Variants in CNBD1 observed in about 807,000 individuals in gnomAD.
CNBD1 encodes the protein cyclic nucleotide binding domain containing 1.
Under a neutral mutation model 54.4 loss-of-function variants are expected in CNBD1, and 71 were observed. The ratio of observed to expected loss-of-function variants is 1.30; its 90% CI spans 1.08 to 1.59. The LOEUF (loss-of-function observed/expected upper bound fraction) is 1.59, where lower values mean the gene tolerates loss of function less well. Among genes scored for constraint, CNBD1 ranks in the 40% most tolerant of loss-of-function variants. The probability of loss-of-function intolerance (pLI) is 0.00; values close to 1 mark genes in which losing one functional copy is unlikely to be tolerated. For missense variants in CNBD1, 659 were observed against 518.0 expected (o/e 1.27, Z -2.64); for synonymous variants, 182 against 170.7 (o/e 1.07, Z -0.51).
intron 2 of CNBD1, among the ~76,000 whole-genome samples, chr8:87,392,174 A>G (rs977999489): frequency 6.6e-6 from 1 of 152,028 alleles, no homozygotes; most frequent in Non-Finnish European, 1.5e-5. Context: ...CAAAGATGTG[A>G]AAAAATTCGT....
downstream of CNBD1, among the ~76,000 whole-genome samples, chr8:87,384,798 G>C (rs1423160926): frequency 1.3e-5 from 2 of 152,116 alleles, no homozygotes; most frequent in African/African-American, 4.8e-5. Flanking sequence ...AATATAGGTA[G>C]AGTGAAAAAA....
chr8:87,288,978 C>A (rs1351417879), intron 8 of CNBD1, among the ~76,000 whole-genome samples: 1 of 151,984 alleles, frequency 6.6e-6, no homozygotes, highest in African/African-American at 2.4e-5. Flanking sequence ...ATGGTAGTGA[C>A]AAACTTGATA....
intron 4 of CNBD1, among the ~76,000 whole-genome samples, chr8:87,017,498 C>T (rs2130570850): frequency 6.6e-6 from 1 of 152,154 alleles, no homozygotes; most frequent in African/African-American, 2.4e-5. Context: ...TAAAGCTATC[C>T]CTATATTAAT....
chr8:87,425,830 G>T (rs1808037116), intron 2 of CNBD1, among the ~76,000 whole-genome samples: 3 of 152,124 alleles, frequency 2.0e-5, no homozygotes, highest in East Asian at 1.9e-4. Flanking sequence ...GCCTCCTTGA[G>T]CTGTGGTGGG....
intron 2 of CNBD1, among the ~76,000 whole-genome samples, chr8:87,420,628 C>T (rs1341767393): frequency 6.6e-6 from 1 of 152,080 alleles, no homozygotes; most frequent in Admixed American, 6.6e-5. Flanking sequence ...AATCTACCTA[C>T]TTAACGACCA....
chr8:87,404,346 C>T (rs551953687), intron 2 of CNBD1, among the ~76,000 whole-genome samples: 1 of 152,134 alleles, frequency 6.6e-6, no homozygotes, highest in South Asian at 2.1e-4. Context: ...CATGTTACCT[C>T]AGTTGGTGCT....
intron 6 of CNBD1, among the ~76,000 whole-genome samples, chr8:87,284,081 C>T (rs1563537502): frequency 6.6e-6 from 1 of 152,090 alleles, no homozygotes; most frequent in African/African-American, 2.4e-5. Context: ...TAAAAATACG[C>T]TCCTTATCCT....
At chr8:87,042,572 A>G (rs921194246) in intron 4 of CNBD1, among the ~76,000 whole-genome samples, 5 of 152,192 alleles carry the variant, frequency 3.3e-5, no homozygotes, top group African/African-American at 1.2e-4. Flanking sequence ...ACCAGAATAG[A>G]TTAAAGAGCG....
chr8:87,081,020 A>G (rs1810979680), intron 4 of CNBD1, among the ~76,000 whole-genome samples: 1 of 150,668 alleles, frequency 6.6e-6, no homozygotes, highest in Admixed American at 6.6e-5. Flanking sequence ...TTTCAATTAC[A>G]TTTATTTTCT....
chr8:87,148,910 A>G (rs1301535654), intron 4 of CNBD1, among the ~76,000 whole-genome samples: 1 of 152,196 alleles, frequency 6.6e-6, no homozygotes, highest in Non-Finnish European at 1.5e-5. Flanking sequence ...CAAACAAACA[A>G]ACAAACAAAA....
At position 87,421,636 on chromosome 8, in the gene CNBD1, G is replaced by A. The variant is rs922468864; in HGVS notation, c.214-6910G>A. Among the ~76,000 whole-genome samples the A allele has an allele frequency of 5.6e-3, 852 of 151,786 alleles. 5 individuals carry two copies. Among genetic ancestry groups the A allele is most frequent in the Non-Finnish European group, 8.6e-3 (586 of 67,922 alleles). ...TTTTTATGGCTGCATAGTATTCCAC[G>A]GTGTATATGTGCCACATTTTCTTAA... On this transcript the variant is annotated intron_variant, in intron 2 of 7. Coordinates refer to the CNBD1 transcript ENST00000521593.
chr8:86,963,059 G>T (rs1368559080), intron 4 of CNBD1, among the ~76,000 whole-genome samples: 1 of 152,126 alleles, frequency 6.6e-6, no homozygotes, highest in African/African-American at 2.4e-5. Flanking sequence ...GCTTCCCTTT[G>T]TTCCTCTCTC....
intron 2 of CNBD1, among the ~76,000 whole-genome samples, chr8:87,417,537 G>T (rs1160416893): frequency 6.6e-6 from 1 of 151,974 alleles, no homozygotes; most frequent in African/African-American, 2.4e-5. Flanking sequence ...GATTGGAATA[G>T]AATTAACATT....
Position 86,954,338 on chromosome 8 carries a change from G to GT in CNBD1, c.431+14589dup, listed in dbSNP as rs533810483. 1.4e-4 allele frequency among the ~76,000 whole-genome samples: 22 copies of GT among 152,202 alleles called. No homozygotes were observed. The East Asian group carries it at 4.3e-3, about 29-fold the overall frequency. On this transcript the variant is annotated intron_variant, in intron 4 of 10. Transcript: ENST00000518476. ...ATAAATCTTTTATAACACTTCATAA[G>GT]TTTTTGTTAAAGAGCATATTAGTTC... is the stretch of plus-strand genomic sequence containing the variant.
At chr8:87,421,010 C>A (rs1222588142) in intron 2 of CNBD1, among the ~76,000 whole-genome samples, 1 of 151,784 alleles carries the variant, frequency 6.6e-6, no homozygotes, top group African/African-American at 2.4e-5. Context: ...AATCAAGAAT[C>A]AAAATTCTGG....
intron 2 of CNBD1, among the ~76,000 whole-genome samples, chr8:86,889,606 A>C (rs954427846): frequency 2.6e-5 from 4 of 152,142 alleles, no homozygotes; most frequent in African/African-American, 4.8e-5. Context: ...GTTAGAATAA[A>C]GGCAGTAGGT....
intron 4 of CNBD1, among the ~76,000 whole-genome samples, chr8:87,199,055 T>C (rs1400680195): frequency 6.6e-6 from 1 of 152,114 alleles, no homozygotes; most frequent in African/African-American, 2.4e-5. Context: ...CCAGATCTCA[T>C]GTGAACTCAG....
At chr8:87,241,001 T>C (rs1394468490) in intron 6 of CNBD1, among the ~76,000 whole-genome samples, 1 of 152,152 alleles carries the variant, frequency 6.6e-6, no homozygotes, top group Non-Finnish European at 1.5e-5. Flanking sequence ...AGGGAAAGTT[T>C]CAAGTTTACT....
At chr8:87,364,923 T>C (rs1810610967) in intron 10 of CNBD1, among the ~76,000 whole-genome samples, 1 of 152,108 alleles carries the variant, frequency 6.6e-6, no homozygotes, top group Non-Finnish European at 1.5e-5. Flanking sequence ...TCCATGTCTT[T>C]GCTATTATGA....
Sources: gnomAD v4.1 joint callset for allele counts (sites outside exome capture counted in the v4.1 genomes callset) on GRCh38, gnomAD v4.1.1 for gene constraint, MANE v1.5 for transcripts, NCBI Gene and HGNC (gene_info 2026-07-23, HGNC 2026-07-21) for gene names.